The following NUP93 variants were observed in gnomAD, a reference collection of about 807,000 sequenced individuals.
The protein encoded by NUP93 is nucleoporin 93.
Under a neutral mutation model 107.8 loss-of-function variants are expected in NUP93, and 55 were observed. That is an observed-to-expected ratio of 0.51 (90% CI 0.41 to 0.64). The LOEUF is 0.64. Among genes scored for constraint, NUP93 ranks in the 30% least tolerant of loss-of-function variants. The probability of loss-of-function intolerance (pLI) is 0.00; values close to 1 mark genes in which losing one functional copy is unlikely to be tolerated. For synonymous variants in NUP93, 390 were observed against 397.5 expected (o/e 0.98, Z 0.22); for missense variants, 937 against 1,044.7 (o/e 0.90, Z 1.42).
intron 3 of NUP93, among the ~76,000 whole-genome samples, chr16:56,769,945 G>C (rs1022526337): frequency 3.9e-5 from 6 of 152,062 alleles, no homozygotes; most frequent in African/African-American, 1.4e-4. Context: ...ATGTGTATTT[G>C]GTTTTAAAGA....
intron 2 of NUP93, among the ~76,000 whole-genome samples, chr16:56,753,160 G>A (rs989113413): frequency 6.6e-6 from 1 of 152,178 alleles, no homozygotes; most frequent in South Asian, 2.1e-4. Flanking sequence ...TGATTTTAGA[G>A]TTTCTTGGAA....
Position 56,844,565 on chromosome 16 carries a change from G to C in NUP93, c.2416G>C (p.Asp806His), listed in dbSNP as rs376351599. The C allele has an allele frequency of 6.3e-7, 1 of 1,587,570 alleles. No individual in the cohort carries two copies. Among genetic ancestry groups the C allele is most frequent in the African/African-American group, 1.4e-5 (1 of 73,362 alleles). The change falls in exon 22 of 22, where the codon GAC (aspartate) becomes CAC (histidine). Residue 806 changes from aspartate (D) to histidine (H), a missense_variant. Transcript: ENST00000308159. ...AATGATACCATACCGAACGTCTGGG[G>C]ACACCAATGCGAGGCTGGTGCAGAT... ...AGMIPYRTSGDTNARLVQMEV... is the reference protein window; with the variant it reads ...AGMIPYRTSGHTNARLVQMEV...
chr16:56,848,707 C>CCG lies in NUP93; in HGVS notation c.*4098_*4099insCG, dbSNP rs1473227918. On this transcript the variant is annotated 3_prime_UTR_variant, in exon 22 of 22. Coordinates refer to ENST00000308159, the MANE Select transcript of NUP93 (RefSeq NM_014669.5). Reference sequence around the variant, plus strand: ...TGCTGCTTTTTTGCCTTGTTACGCACATAACTTGTGACTGGCTAGATAGGC... The same window carrying CCG: ...TGCTGCTTTTTTGCCTTGTTACGCACCGATAACTTGTGACTGGCTAGATAGGC... The CCG allele has an allele frequency of 3.3e-5, 5 of 152,224 alleles. No individual in the cohort carries two copies. Among genetic ancestry groups the CCG allele is most frequent in the Non-Finnish European group, 7.3e-5 (5 of 68,034 alleles). 9.4% of individuals were successfully genotyped at this position (152,224 alleles called of 1,614,324 possible).
chr16:56,743,910 G>T (rs1459049897), intron 1 of NUP93, among the ~76,000 whole-genome samples: 4 of 152,130 alleles, frequency 2.6e-5, no homozygotes, highest in African/African-American at 2.4e-5. Context: ...GTAATTTGTT[G>T]CCCAAGGCCC....
At chr16:56,812,406 C>T (rs915154847) in intron 5 of NUP93, among the ~76,000 whole-genome samples, 26 of 151,938 alleles carry the variant, frequency 1.7e-4, no homozygotes, top group Middle Eastern at 3.2e-3. Flanking sequence ...TGCAGTGGCG[C>T]GATCTTGGGT....
At chr16:56,775,541 AG>A (rs60454311) in intron 3 of NUP93, among the ~76,000 whole-genome samples, 47,726 of 152,020 alleles carry the variant, frequency 0.31, 7,869 homozygotes, top group East Asian at 0.46. Context: ...GCAAAGTAGT[AG>A]AACTGGAAAC....
intron 3 of NUP93, among the ~76,000 whole-genome samples, chr16:56,797,718 C>G (rs1159986673): frequency 6.6e-6 from 1 of 152,188 alleles, no homozygotes; most frequent in African/African-American, 2.4e-5. Flanking sequence ...ATTACATTAT[C>G]TTATTTTTTT....
intron 8 of NUP93, 144 bp downstream of exon 8, chr16:56,823,990 TAATCCTGTTTCAGA>T (rs1963605410): frequency 1.8e-6 from 2 of 1,093,596 alleles, no homozygotes; most frequent in Non-Finnish European, 2.5e-6. Flanking sequence ...TTCAGAGTTG[TAATCCTGTTTCAGA>T]AATCCTGTTT....
intron 2 of NUP93, among the ~76,000 whole-genome samples, chr16:56,756,639 A>G (rs573907546): frequency 1.8e-4 from 27 of 152,268 alleles, no homozygotes; most frequent in African/African-American, 6.3e-4. Flanking sequence ...AATGATTTAT[A>G]ATCCTTTGGT....
chr16:56,768,574 A>G (rs541313643), intron 3 of NUP93, among the ~76,000 whole-genome samples: 1 of 133,820 alleles, frequency 7.5e-6, no homozygotes, highest in African/African-American at 2.8e-5. Context: ...AAAAAAAAAA[A>G]TTTTTTTTTT....
At chr16:56,777,207 G>T (rs1397916556) in intron 3 of NUP93, among the ~76,000 whole-genome samples, 1 of 152,130 alleles carries the variant, frequency 6.6e-6, no homozygotes, top group Non-Finnish European at 1.5e-5. Flanking sequence ...ATTAGTAATT[G>T]CTTTTATTGG....
Position 56,832,366 on chromosome 16 carries a change from GA to G in NUP93, c.1325del (p.Lys442SerfsTer14), listed in dbSNP as rs1205912093. The G allele has an allele frequency of 6.2e-7, 1 of 1,613,904 alleles. No individual in the cohort carries two copies. Among genetic ancestry groups the G allele is most frequent in the Non-Finnish European group, 8.5e-7 (1 of 1,179,892 alleles). On this transcript the variant is annotated frameshift_variant, in exon 12 of 22. Transcript: ENST00000308159. LOFTEE classifies it high-confidence loss of function. The stretch of plus-strand genomic sequence containing the variant: ...ACAGGCTCACTCTCTCACAGTTCCA[GA>G]AGCAGTTGTTGGAAGACTATGGTAA... Reference protein sequence around the residue: ...QDRLTLSQFQKQLLEDYGESH... With the variant: ...QDRLTLSQFQXQLLEDYGESH...
At position 56,815,890 on chromosome 16, in the gene NUP93, CTGCTGCTGG is replaced by C. The variant is rs1470372553; in HGVS notation, c.490-2765_490-2757del. Among the ~76,000 whole-genome samples, 48 of 136,924 alleles carry C rather than the reference CTGCTGCTGG, an allele frequency of 3.5e-4. 1 individual carries two copies. Among genetic ancestry groups the C allele is most frequent in the African/African-American group, 1.1e-3 (42 of 39,734 alleles). The allele number at this position is 136,924 out of a possible 152,430, so 89.8% of individuals were successfully genotyped here. Reference sequence around the variant, plus strand: ...ACTGCTGCTGCTGCTGCTGCTGCTGCTGCTGCTGGTGCTGCTGCTGCTGCTGGTGCTGCT... The same window carrying C: ...ACTGCTGCTGCTGCTGCTGCTGCTGCTGCTGCTGCTGCTGCTGGTGCTGCT... On this transcript the variant is annotated intron_variant, in intron 5 of 21. Coordinates refer to ENST00000308159, the MANE Select transcript of NUP93 (RefSeq NM_014669.5).
chr16:56,842,757 TG>T, intron 21 of NUP93: 1 of 356,016 alleles, frequency 2.8e-6, no homozygotes, highest in Non-Finnish European at 5.6e-6. Flanking sequence ...TTTACCATGT[TG>T]CCCAGACTGG....
At chr16:56,747,071 C>G (rs761524875) in intron 1 of NUP93, among the ~76,000 whole-genome samples, 2 of 151,106 alleles carry the variant, frequency 1.3e-5, no homozygotes, top group African/African-American at 4.9e-5. Context: ...GATCTTGGCT[C>G]ACTGCACTCT....
Position 56,839,011 on chromosome 16 carries a change from T to A in NUP93, c.2078T>A (p.Leu693Ter). The change falls in exon 19 of 22, where the codon TTG becomes TAG. Residue 693 changes from leucine (L) to a stop codon, truncating the protein, a stop_gained. Transcript: ENST00000308159. LOFTEE classifies it high-confidence loss of function. ...GTGGACTCCACGTTCTATCTTCTTT[T>A]GGACTTGATCACCTTTTTTGACGAG... ...KFVDSTFYLL[L>*]DLITFFDEYH... 1 of 1,614,214 alleles carries A rather than the reference T, an allele frequency of 6.2e-7. No individual in the cohort carries two copies. The highest frequency in any genetic ancestry group is 1.1e-5 in the South Asian group (1 of 91,082).
At chr16:56,747,024 G>A (rs1961831428) in intron 1 of NUP93, among the ~76,000 whole-genome samples, 1 of 149,124 alleles carries the variant, frequency 6.7e-6, no homozygotes, top group South Asian at 2.1e-4. Context: ...CCAAGACAGA[G>A]TCTCACTCTA....
chr16:56,763,516 A>G (rs201268976), intron 3 of NUP93, among the ~76,000 whole-genome samples: 16 of 125,410 alleles, frequency 1.3e-4, no homozygotes, highest in African/African-American at 3.1e-4. Flanking sequence ...GTGTGTGTGT[A>G]TGTGTGGGTG....
intron 4 of NUP93, among the ~76,000 whole-genome samples, chr16:56,800,336 T>G (rs1170524998): frequency 2.0e-5 from 3 of 152,188 alleles, no homozygotes; most frequent in Non-Finnish European, 4.4e-5. Context: ...CTCACCAACA[T>G]TGATTCTCCT....
Sources: gnomAD v4.1 joint callset for allele counts (sites outside exome capture counted in the v4.1 genomes callset) on GRCh38, gnomAD v4.1.1 for gene constraint, MANE v1.5 for transcripts, NCBI Gene and HGNC (gene_info 2026-07-23, HGNC 2026-07-21) for gene names.